Variants in CAMP observed in about 807,000 individuals in gnomAD.
CAMP encodes the protein cathelicidin antimicrobial peptide.
Under a neutral mutation model 12.7 loss-of-function variants are expected in CAMP, and 10 were observed. The observed-to-expected ratio is 0.79, with a 90% confidence interval of 0.49 to 1.34. The LOEUF is 1.34. Among genes scored for constraint, CAMP ranks in the 40% most tolerant of loss-of-function variants. The probability of loss-of-function intolerance (pLI) is 0.00; values close to 1 mark genes in which losing one functional copy is unlikely to be tolerated. For missense variants in CAMP, 205 were observed against 213.0 expected (o/e 0.96, Z 0.23); for synonymous variants, 87 against 85.2 (o/e 1.02, Z -0.12).
At chr3:48,224,805 G>T in intron 3 of CAMP, 131 bp downstream of exon 3, 1 of 723,490 alleles carries the variant, frequency 1.4e-6, no homozygotes, top group Admixed American at 2.5e-5. Flanking sequence ...CCCCAAACCT[G>T]AGTTCCATCT....
In CAMP at chr3:48,224,462, G is replaced by T; in HGVS notation, c.309+1G>T. The T allele has an allele frequency of 1.2e-6, 2 of 1,607,158 alleles. No individual in the cohort carries two copies. The highest frequency in any genetic ancestry group is 1.7e-6 in the Non-Finnish European group (2 of 1,173,624). ...GGATTGTGACTTCAAGAAGGACGGG[G>T]TGAGGCTGGGGGCTGGGGGTGTTGG... On this transcript the variant is annotated splice_donor_variant, in intron 2 of 3. Coordinates refer to ENST00000652295, the MANE Select transcript of CAMP (RefSeq NM_004345.5). LOFTEE classifies it high-confidence loss of function.
chr3:48,224,622 G>A lies in CAMP; in HGVS notation c.329G>A (p.Gly110Glu). ...TTCCAGCTGGTGAAGCGGTGTATGG[G>A]GACAGTGACCCTCAACCAGGCCAGG... Reference protein sequence around the residue: ...KKDGLVKRCMGTVTLNQARGS... With the variant: ...KKDGLVKRCMETVTLNQARGS... The change falls in exon 3 of 4, where the codon GGG (glycine) becomes GAG (glutamate). Residue 110 changes from glycine to glutamate, a missense_variant. By Grantham distance (98) the Gly-to-Glu change is moderately conservative. Coordinates refer to ENST00000652295, the MANE Select transcript of CAMP (RefSeq NM_004345.5). 6.2e-7 allele frequency: 1 copy of A among 1,613,802 alleles called. No individual in the cohort carries two copies. The highest frequency in any genetic ancestry group is 1.7e-5 in the Admixed American group (1 of 60,016).
rs529202969 is a variant in CAMP at position 48,224,762 on chromosome 3, G to A, written c.381+88G>A. 2.3e-4 allele frequency: 241 copies of A among 1,038,238 alleles called. 1 individual carries two copies. Among genetic ancestry groups the A allele is most frequent in the Admixed American group, 2.1e-3 (113 of 54,508 alleles). 64.3% of individuals were successfully genotyped at this position (1,038,238 alleles called of 1,614,324 possible). A position where few individuals can be genotyped will look rare whatever the true frequency, so the allele number is the denominator to read the frequency against. ...GTCAATTAACTACTCCCCCAACCCA[G>A]GACAGAGAAAGCCCCTCCTACCCAG... On this transcript the variant is annotated intron_variant, in intron 3 of 3. Coordinates refer to ENST00000652295, the MANE Select transcript of CAMP (RefSeq NM_004345.5).
Position 48,225,310 on chromosome 3 carries a change from C to T in CAMP, c.399C>T (p.Ala133=), listed in dbSNP as rs778653074. 32 of 1,613,300 alleles carry T rather than the reference C, an allele frequency of 2.0e-5. 1 individual carries two copies. The highest frequency in any genetic ancestry group is 2.7e-5 in the Non-Finnish European group (32 of 1,179,546). The change falls in exon 4 of 4, where the codon GCC becomes GCT. Residue 133 remains alanine (A), a synonymous_variant. Transcript: ENST00000652295. ...AACCCCAGGATAACAAGAGATTTGC[C>T]CTGCTGGGTGATTTCTTCCGGAAAT... is the stretch of plus-strand genomic sequence containing the variant. The part of the protein sequence containing the change: ...ISCDKDNKRF[A]LLGDFFRKSK...
chr3:48,224,533 T>C, intron 2 of CAMP, 70 bp from the exon 3 acceptor site: 1 of 1,539,042 alleles, frequency 6.5e-7, no homozygotes, highest in Non-Finnish European at 9.0e-7. Context: ...GGGGAATATT[T>C]CCCACTGGGA....
chr3:48,224,423 C>A lies in CAMP; in HGVS notation c.271C>A (p.Gln91Lys), dbSNP rs533541556. 1 of 1,613,728 alleles carries A rather than the reference C, an allele frequency of 6.2e-7. No individual in the cohort carries two copies. Among genetic ancestry groups the A allele is most frequent in the Non-Finnish European group, 8.5e-7 (1 of 1,179,642 alleles). Residue 91 changes from glutamine (Q) to lysine (K), a missense_variant, in exon 2 of 4, where the codon CAG (glutamine) becomes AAG (lysine). Transcript: ENST00000652295. The stretch of plus-strand genomic sequence containing the variant: ...GGAGACAGTGTGCCCCAGGACGACA[C>A]AGCAGTCACCAGAGGATTGTGACTT... ...VKETVCPRTT[Q>K]QSPEDCDFKK...
Position 48,224,640 on chromosome 3 carries a change from A to G in CAMP, c.347A>G (p.Gln116Arg), listed in dbSNP as rs771043680. Residue 116 changes from glutamine (Q) to arginine (R), a missense_variant, in exon 3 of 4, where the codon CAG (glutamine) becomes CGG (arginine). Transcript: ENST00000652295. ...TGTATGGGGACAGTGACCCTCAACC[A>G]GGCCAGGGGCTCCTTTGACATCAGT... ...KRCMGTVTLN[Q>R]ARGSFDISCD... The G allele has an allele frequency of 1.6e-5, 26 of 1,612,992 alleles. No homozygotes were observed. The highest frequency in any genetic ancestry group is 2.1e-5 in the Non-Finnish European group (25 of 1,179,844).
At chr3:48,224,484 T>A (rs1559974801) in intron 2 of CAMP, 23 bp downstream of exon 2, 1 of 1,572,838 alleles carries the variant, frequency 6.4e-7, no homozygotes, top group East Asian at 2.2e-5. Context: ...GCTGGGGGTG[T>A]TGGTGGGTGC....
Position 48,223,642 on chromosome 3 carries a change from A to T in CAMP, c.131A>T (p.Asp44Val). ...SYKEAVLRAI[D>V]GINQRSSDAN... Reference sequence around the variant, plus strand: ...AAGGAAGCTGTGCTTCGTGCTATAGATGGCATCAACCAGCGGTCCTCGGAT... The same window carrying T: ...AAGGAAGCTGTGCTTCGTGCTATAGTTGGCATCAACCAGCGGTCCTCGGAT... The change falls in exon 1 of 4, where the codon GAT becomes GTT. Residue 44 changes from aspartate (D) to valine (V), a missense_variant. Asp to Val is a radical substitution (Grantham distance 152, BLOSUM62 -3). Transcript: ENST00000652295. 6.2e-7 allele frequency: 1 copy of T among 1,614,110 alleles called. No individual in the cohort carries two copies. The highest frequency in any genetic ancestry group is 1.1e-5 in the South Asian group (1 of 91,082).
chr3:48,225,094 C>T (rs538165501), intron 3 of CAMP, among the ~76,000 whole-genome samples, 199 bp from the exon 4 acceptor site: 4 of 152,218 alleles, frequency 2.6e-5, no homozygotes, highest in Admixed American at 6.5e-5. Flanking sequence ...TCACTATCTC[C>T]GGGACTCTGT....
At chr3:48,224,486 G>T (rs1281637079) in intron 2 of CAMP, 25 bp downstream of exon 2, 2 of 1,568,190 alleles carry the variant, frequency 1.3e-6, no homozygotes, top group African/African-American at 2.7e-5. Context: ...TGGGGGTGTT[G>T]GTGGGTGCCT....
In CAMP at chr3:48,223,620, G is replaced by A. The variant is rs180948240; in HGVS notation, c.109G>A (p.Glu37Lys). ...AIIAQVLSYK[E>K]AVLRAIDGIN... The stretch of plus-strand genomic sequence containing the variant: ...CATTGCCCAGGTCCTCAGCTACAAG[G>A]AAGCTGTGCTTCGTGCTATAGATGG... The change falls in exon 1 of 4, where the codon GAA becomes AAA. Residue 37 changes from glutamate (E) to lysine (K), a missense_variant. By Grantham distance (56) the Glu-to-Lys change is moderately conservative. Transcript: ENST00000652295. 9.2e-5 allele frequency: 149 copies of A among 1,614,044 alleles called. No individual in the cohort carries two copies. Among genetic ancestry groups the A allele is most frequent in the Non-Finnish European group, 1.2e-4 (140 of 1,180,006 alleles).
chr3:48,223,720 T>A lies in CAMP; in HGVS notation c.201+8T>A. 6.2e-7 allele frequency: 1 copy of A among 1,610,430 alleles called. No individual in the cohort carries two copies. The highest frequency in any genetic ancestry group is 8.5e-7 in the Non-Finnish European group (1 of 1,177,102). ...GACCCCAGGCCCACGATGGTGAGCT[T>A]TGGGGGACATTCTGCTCTGCTCTGG... is the stretch of plus-strand genomic sequence containing the variant. On this transcript the variant is annotated splice_region_variant and intron_variant, in intron 1 of 3. Coordinates refer to ENST00000652295, the MANE Select transcript of CAMP (RefSeq NM_004345.5).
At chr3:48,223,756 C>A in intron 1 of CAMP, 44 bp downstream of exon 1, 1 of 1,487,284 alleles carries the variant, frequency 6.7e-7, no homozygotes, top group Non-Finnish European at 9.3e-7. Flanking sequence ...CTGGGCTTGG[C>A]CACGTGTTGT....
intron 1 of CAMP, among the ~76,000 whole-genome samples, 171 bp from the exon 2 acceptor site, chr3:48,224,183 G>A (rs1428938615): frequency 6.6e-6 from 1 of 151,996 alleles, no homozygotes. Flanking sequence ...TGTTCACCTA[G>A]GAGGGTAGGA....
Position 48,224,421 on chromosome 3 carries a change from C to A in CAMP, c.269C>A (p.Thr90Lys). 6.2e-7 allele frequency: 1 copy of A among 1,613,838 alleles called. No homozygotes were observed. Among genetic ancestry groups the A allele is most frequent in the Non-Finnish European group, 8.5e-7 (1 of 1,179,776 alleles). Residue 90 changes from threonine (T) to lysine (K), a missense_variant, in exon 2 of 4, where the codon ACA (threonine) becomes AAA (lysine). Coordinates refer to ENST00000652295, the MANE Select transcript of CAMP (RefSeq NM_004345.5). ...AAGGAGACAGTGTGCCCCAGGACGACACAGCAGTCACCAGAGGATTGTGAC... is the reference window on the plus strand; with the variant it reads ...AAGGAGACAGTGTGCCCCAGGACGAAACAGCAGTCACCAGAGGATTGTGAC... ...TVKETVCPRT[T>K]QQSPEDCDFK... is the part of the protein sequence containing the mutation.
In CAMP at chr3:48,224,401, G is replaced by A. The variant is rs572826708; in HGVS notation, c.249G>A (p.Glu83=). Reference sequence around the variant, plus strand: ...AGCCTGTGAGCTTCACAGTGAAGGAGACAGTGTGCCCCAGGACGACACAGC... The same window carrying A: ...AGCCTGTGAGCTTCACAGTGAAGGAAACAGTGTGCCCCAGGACGACACAGC... ...TPKPVSFTVK[E]TVCPRTTQQS... is the part of the protein sequence containing the mutation. The change falls in exon 2 of 4, where the codon GAG becomes GAA. Residue 83 remains glutamate (E), a synonymous_variant. Coordinates refer to ENST00000652295, the MANE Select transcript of CAMP (RefSeq NM_004345.5). The A allele has an allele frequency of 5.6e-6, 9 of 1,614,100 alleles. No homozygotes were observed. The African/African-American group carries it at 8.0e-5, about 14-fold the overall frequency.
At chr3:48,223,780 G>A in intron 1 of CAMP, 68 bp downstream of exon 1, 1 of 1,214,688 alleles carries the variant, frequency 8.2e-7, no homozygotes, top group South Asian at 1.3e-5. Flanking sequence ...TTCTGCTCCT[G>A]CTGCACTGCC....
At chr3:48,224,541 G>T in intron 2 of CAMP, 62 bp from the exon 3 acceptor site, 1 of 1,546,882 alleles carries the variant, frequency 6.5e-7, no homozygotes, top group South Asian at 1.1e-5. Flanking sequence ...TTTCCCACTG[G>T]GATGTGGCTG....
Sources: gnomAD v4.1 joint callset for allele counts (sites outside exome capture counted in the v4.1 genomes callset) on GRCh38, gnomAD v4.1.1 for gene constraint, MANE v1.5 for transcripts, NCBI Gene and HGNC (gene_info 2026-07-23, HGNC 2026-07-21) for gene names.